ADGRL3: variants seen among roughly 807,000 people sequenced by gnomAD.
The protein encoded by ADGRL3 is calcium-independent alpha-latrotoxin receptor 3.
A neutral mutation model predicts 153.5 loss-of-function variants in ADGRL3; 62 were observed. The observed-to-expected ratio is 0.40, with a 90% confidence interval of 0.33 to 0.50. The LOEUF is 0.50. Among genes scored for constraint, ADGRL3 ranks in the 20% least tolerant of loss-of-function variants. The probability of loss-of-function intolerance (pLI) is 0.47; values close to 1 mark genes in which losing one functional copy is unlikely to be tolerated. For missense variants in ADGRL3, 1,641 were observed against 1,859.4 expected (o/e 0.88, Z 2.16); for synonymous variants, 710 against 672.5 (o/e 1.06, Z -0.86).
At chr4:61,354,560 T>A (rs1213535474) in intron 1 of ADGRL3, among the ~76,000 whole-genome samples, 1 of 136,252 alleles carries the variant, frequency 7.3e-6, no homozygotes, top group African/African-American at 2.7e-5. Context: ...TACTCATAGA[T>A]GATAAGACTT....
intron 2 of ADGRL3, among the ~76,000 whole-genome samples, chr4:61,468,139 A>C (rs2097906439): frequency 1.3e-5 from 2 of 152,212 alleles, no homozygotes; most frequent in African/African-American, 4.8e-5. Flanking sequence ...AAATAAAAGC[A>C]ATGTAAAAAC....
At chr4:61,437,292 T>A (rs376385749) in intron 2 of ADGRL3, among the ~76,000 whole-genome samples, 206 of 144,538 alleles carry the variant, frequency 1.4e-3, no homozygotes, top group African/African-American at 4.7e-3. Flanking sequence ...TTAAAAAAAA[T>A]TTAGGCTACC....
intron 5 of ADGRL3, among the ~76,000 whole-genome samples, chr4:61,659,380 C>T (rs1415687448): frequency 6.6e-6 from 1 of 152,194 alleles, no homozygotes; most frequent in East Asian, 1.9e-4. Flanking sequence ...CACTGATAAC[C>T]TGTCCAGATG....
chr4:61,452,469 A>C (rs879905876), intron 2 of ADGRL3, among the ~76,000 whole-genome samples: 1 of 152,176 alleles, frequency 6.6e-6, no homozygotes, highest in South Asian at 2.1e-4. Context: ...TGACATTCCA[A>C]ATCTTGCAGA....
At chr4:61,665,197 G>A (rs995291025) in intron 5 of ADGRL3, among the ~76,000 whole-genome samples, 1 of 152,120 alleles carries the variant, frequency 6.6e-6, no homozygotes, top group Non-Finnish European at 1.5e-5. Context: ...GATAACCAGA[G>A]GTTAAGAGTT....
intron 22 of ADGRL3, among the ~76,000 whole-genome samples, chr4:62,031,180 T>A (rs2151502961): frequency 6.6e-6 from 1 of 151,766 alleles, no homozygotes; most frequent in Admixed American, 6.6e-5. Flanking sequence ...GTGCTGCAAA[T>A]ACATGAATAA....
intron 9 of ADGRL3, among the ~76,000 whole-genome samples, chr4:61,821,547 T>A (rs1194022484): frequency 1.3e-5 from 2 of 151,968 alleles, no homozygotes; most frequent in African/African-American, 4.8e-5. Context: ...TTTTTATAAA[T>A]CTAGTGAATT....
intron 9 of ADGRL3, among the ~76,000 whole-genome samples, chr4:61,833,772 G>A (rs1288768517): frequency 5.9e-5 from 9 of 152,150 alleles, no homozygotes; most frequent in Non-Finnish European, 1.3e-4. Flanking sequence ...CCCCAGGCAA[G>A]AAGGGGGTTT....
chr4:61,608,658 C>T (rs2149645146), intron 5 of ADGRL3, among the ~76,000 whole-genome samples: 1 of 152,258 alleles, frequency 6.6e-6, no homozygotes, highest in African/African-American at 2.4e-5. Context: ...AAATTTTCGT[C>T]TGTGAATTTT....
intron 1 of ADGRL3, among the ~76,000 whole-genome samples, chr4:61,227,817 G>C (rs1319936288): frequency 1.3e-5 from 2 of 152,130 alleles, no homozygotes; most frequent in African/African-American, 4.8e-5. Flanking sequence ...TATTTGAAAT[G>C]GTTATTGTTA....
intron 9 of ADGRL3, among the ~76,000 whole-genome samples, chr4:61,838,855 A>G (rs569119516): frequency 2.6e-5 from 4 of 152,340 alleles, no homozygotes; most frequent in African/African-American, 9.6e-5. Flanking sequence ...GGCACTGCCT[A>G]TAAGTTAACT....
chr4:61,495,689 T>C (rs2098307960), intron 2 of ADGRL3, among the ~76,000 whole-genome samples: 1 of 152,180 alleles, frequency 6.6e-6, no homozygotes, highest in Non-Finnish European at 1.5e-5. Flanking sequence ...AGGAGGCAAC[T>C]ACACTAGTTT....
intron 4 of ADGRL3, among the ~76,000 whole-genome samples, chr4:61,569,574 G>C (rs1227781070): frequency 6.6e-6 from 1 of 152,024 alleles, no homozygotes; most frequent in African/African-American, 2.4e-5. Flanking sequence ...CTCTGACAAT[G>C]ACATTAATAA....
chr4:61,710,370 GGAGGT>G (rs2095948111), intron 6 of ADGRL3, among the ~76,000 whole-genome samples: 1 of 152,136 alleles, frequency 6.6e-6, no homozygotes, highest in Admixed American at 6.6e-5. Context: ...TTATGCAGGG[GGAGGT>G]GTTGGCCTTT....
chr4:61,415,971 C>T (rs1182612927), intron 2 of ADGRL3, among the ~76,000 whole-genome samples: 1 of 152,052 alleles, frequency 6.6e-6, no homozygotes, highest in African/African-American at 2.4e-5. Context: ...AGTATTACGT[C>T]TTTTAAAAGG....
intron 8 of ADGRL3, among the ~76,000 whole-genome samples, chr4:61,779,393 G>T (rs956158939): frequency 6.6e-6 from 1 of 151,830 alleles, no homozygotes; most frequent in Non-Finnish European, 1.5e-5. Flanking sequence ...AGCTCTTTGG[G>T]AGGACTAAGT....
chr4:61,688,630 T>C (rs1425417415), intron 6 of ADGRL3, among the ~76,000 whole-genome samples: 1 of 152,194 alleles, frequency 6.6e-6, no homozygotes, highest in Admixed American at 6.5e-5. Flanking sequence ...CTTCTGATAA[T>C]CAGTGCTATC....
In ADGRL3 at chr4:61,506,720, A is replaced by C. The variant is rs574058107; in HGVS notation, c.55+9372A>C. 6.7e-4 allele frequency among the ~76,000 whole-genome samples: 102 copies of C among 152,280 alleles called. 1 individual carries two copies. Among genetic ancestry groups the C allele is most frequent in the Admixed American group, 1.6e-3 (24 of 15,310 alleles). On this transcript the variant is annotated intron_variant, in intron 3 of 26. Coordinates refer to ENST00000683033, the MANE Select transcript of ADGRL3 (RefSeq NM_001387552.1). ...TCATTAGTTTTATGTGAAGTTAAAA[A>C]GGGTAAATTCAGTGACCTAAATTAG...
At chr4:61,711,044 A>G (rs1379325987) in intron 6 of ADGRL3, among the ~76,000 whole-genome samples, 2 of 152,136 alleles carry the variant, frequency 1.3e-5, no homozygotes, top group South Asian at 2.1e-4. Flanking sequence ...AGCACATTAT[A>G]AATTATGTAG....
Sources: gnomAD v4.1 joint callset for allele counts (sites outside exome capture counted in the v4.1 genomes callset) on GRCh38, gnomAD v4.1.1 for gene constraint, MANE v1.5 for transcripts, NCBI Gene and HGNC (gene_info 2026-07-23, HGNC 2026-07-21) for gene names.